Variants in MADD observed in about 807,000 individuals in gnomAD.
MADD encodes MAP kinase-activating death domain protein.
A neutral mutation model predicts 176.7 loss-of-function variants in MADD; 109 were observed. That is an observed-to-expected ratio of 0.62 (90% CI 0.53 to 0.72). The LOEUF (loss-of-function observed/expected upper bound fraction) is 0.72, where lower values mean the gene tolerates loss of function less well. Among genes scored for constraint, MADD ranks in the 30% least tolerant of loss-of-function variants. The probability of loss-of-function intolerance (pLI) is 0.00; values close to 1 mark genes in which losing one functional copy is unlikely to be tolerated. For synonymous variants in MADD, 771 were observed against 771.3 expected (o/e 1.00, Z 0.01); for missense variants, 1,914 against 2,045.5 (o/e 0.94, Z 1.24).
chr11:47,308,781 G>C (rs2085336157), intron 23 of MADD, 82 bp downstream of exon 25: 2 of 1,224,560 alleles, frequency 1.6e-6, no homozygotes, highest in Non-Finnish European at 2.4e-6. Flanking sequence ...ACAAGTAGCT[G>C]GTTGTCTTTC....
intron 8 of MADD, among the ~76,000 whole-genome samples, chr11:47,282,024 G>A (rs1448217281): frequency 1.3e-5 from 2 of 151,852 alleles, no homozygotes; most frequent in East Asian, 1.9e-4. Context: ...TAGTAGAGAC[G>A]GGGTTTCACC....
At chr11:47,281,554 A>G (rs1437048661) in intron 7 of MADD, 21 bp from the exon 8 acceptor site, 1 of 1,579,258 alleles carries the variant, frequency 6.3e-7, no homozygotes, top group Non-Finnish European at 8.6e-7. Flanking sequence ...TTGTGTAAGG[A>G]ATTTTCTTGT....
intron 7 of MADD, among the ~76,000 whole-genome samples, chr11:47,279,381 CT>C (rs34428529): frequency 0.074 from 8,655 of 116,656 alleles, 184 homozygotes; most frequent in South Asian, 0.1. Context: ...TTTTCTCAGT[CT>C]TTTTTTTTTT....
At chr11:47,308,433 A>G (rs944435064) in intron 22 of MADD, among the ~76,000 whole-genome samples, 158 bp from the exon 25 acceptor site, 18 of 152,264 alleles carry the variant, frequency 1.2e-4, no homozygotes, top group African/African-American at 4.3e-4. Context: ...AGGCAGTAAC[A>G]GAAAGCAGCG....
chr11:47,324,286 G>A, exon 29 of MADD: 1 of 1,614,244 alleles, frequency 6.2e-7, no homozygotes. Context: ...GTACTACTGT[G>A]TGAAGGACAG....
intron 22 of MADD, among the ~76,000 whole-genome samples, chr11:47,296,412 A>G (rs1479360587): frequency 1.3e-5 from 2 of 152,200 alleles, no homozygotes; most frequent in African/African-American, 2.4e-5. Flanking sequence ...CAGTCTGCCT[A>G]TTTCTATGGA....
rs1190706660 is a variant in MADD at position 47,309,613 on chromosome 11, G to A, written c.3978+1G>A. ...CATCTCCTACATGCTGCTGATGAAG[G>A]TAATGTCAATTTTGCTGTGTCCAGC... is the stretch of plus-strand genomic sequence containing the variant. On this transcript the variant is annotated splice_donor_variant, in intron 25 of 32. Coordinates refer to ENST00000402192, the Ensembl canonical transcript of MADD. LOFTEE classifies it high-confidence loss of function. 3 of 1,611,618 alleles carry A rather than the reference G, an allele frequency of 1.9e-6. No individual in the cohort carries two copies. The highest frequency in any genetic ancestry group is 2.2e-5 in the East Asian group (1 of 44,876).
intron 12 of MADD, 75 bp from the exon 13 acceptor site, chr11:47,284,866 G>A (rs948775467): frequency 1.3e-6 from 2 of 1,580,930 alleles, no homozygotes; most frequent in African/African-American, 1.3e-5. Context: ...GCCTGGTCCA[G>A]CCCTGCCAAA....
At chr11:47,293,708 T>C (rs1392486281) in intron 19 of MADD, among the ~76,000 whole-genome samples, 175 bp from the exon 22 acceptor site, 1 of 152,178 alleles carries the variant, frequency 6.6e-6, no homozygotes, top group Non-Finnish European at 1.5e-5. Context: ...TACTTGGTTC[T>C]TAAGGCATCT....
At chr11:47,299,003 T>G (rs2075419512) in intron 22 of MADD, among the ~76,000 whole-genome samples, 1 of 152,190 alleles carries the variant, frequency 6.6e-6, no homozygotes, top group Non-Finnish European at 1.5e-5. Flanking sequence ...ATATATGGAT[T>G]TCTTTCTGGG....
In MADD at chr11:47,293,954, A is replaced by G. The variant is rs778711431; in HGVS notation, c.3373A>G (p.Ser1125Gly). Residue 1125 changes from serine to glycine, a missense_variant, in exon 20 of 33, where the codon AGT becomes GGT. Physicochemically the swap from Ser to Gly is moderately conservative, Grantham distance 56. Coordinates refer to ENST00000402192, the Ensembl canonical transcript of MADD. Reference sequence around the variant, plus strand: ...GAAAAAGTCCCAGATCAGCGCAGACAGTGGTGTGAGCCTGACGTCTAGTTC... The same window carrying G: ...GAAAAAGTCCCAGATCAGCGCAGACGGTGGTGTGAGCCTGACGTCTAGTTC... 2.5e-6 allele frequency: 4 copies of G among 1,614,202 alleles called. No individual in the cohort carries two copies. The East Asian group carries it at 6.7e-5, about 27-fold the overall frequency.
At chr11:47,318,585 C>T (rs897155605) in intron 27 of MADD, among the ~76,000 whole-genome samples, 3 of 152,102 alleles carry the variant, frequency 2.0e-5, no homozygotes, top group African/African-American at 7.2e-5. Flanking sequence ...CACCACCGTA[C>T]AAAGGGAGCC....
chr11:47,284,813 A>G (rs2059475229), intron 12 of MADD, 128 bp from the exon 13 acceptor site: 1 of 1,374,634 alleles, frequency 7.3e-7, no homozygotes, highest in Non-Finnish European at 1.0e-6. Context: ...CGGGTGCTAC[A>G]GAGATCATTT....
At chr11:47,271,915 T>C (rs1964623314) in intron 1 of MADD, 1 of 152,134 alleles carries the variant, frequency 6.6e-6, no homozygotes, top group Non-Finnish European at 1.5e-5. Flanking sequence ...TCTATTGCAG[T>C]TGGGAGAACC....
chr11:47,328,627 T>C (rs959948520), intron 31 of MADD, 31 bp from the exon 36 acceptor site: 32 of 1,614,010 alleles, frequency 2.0e-5, no homozygotes, highest in Non-Finnish European at 2.5e-5. Flanking sequence ...TGTTGAACTT[T>C]CTGTTTTGTC....
At chr11:47,281,321 G>C (rs1379018050) in intron 7 of MADD, among the ~76,000 whole-genome samples, 1 of 152,236 alleles carries the variant, frequency 6.6e-6, no homozygotes, top group East Asian at 1.9e-4. Context: ...CCTTGAGCTA[G>C]GTTGTCTTAA....
intron 22 of MADD, among the ~76,000 whole-genome samples, chr11:47,303,607 C>CT (rs137937344): frequency 0.011 from 1,209 of 105,512 alleles, 15 homozygotes; most frequent in Non-Finnish European, 0.014. Flanking sequence ...TTGGAGAGGC[C>CT]TTTTTTTTTT....
chr11:47,328,730 G>A (rs2095738620), intron 32 of MADD, 26 bp downstream of exon 36: 2 of 1,613,892 alleles, frequency 1.2e-6, no homozygotes, highest in African/African-American at 1.3e-5. Flanking sequence ...AACCCTGATG[G>A]GCCACGGTGC....
At chr11:47,295,364 A>G in intron 20 of MADD, 132 bp from the exon 23 acceptor site, 1 of 675,034 alleles carries the variant, frequency 1.5e-6, no homozygotes, top group Non-Finnish European at 2.6e-6. Flanking sequence ...CTGGAAACAA[A>G]AGTTGCTCGT....
Sources: gnomAD v4.1 joint callset for allele counts (sites outside exome capture counted in the v4.1 genomes callset) on GRCh38, gnomAD v4.1.1 for gene constraint, MANE v1.5 for transcripts, NCBI Gene and HGNC (gene_info 2026-07-23, HGNC 2026-07-21) for gene names.